Variants in ATP1A4 observed in about 807,000 individuals in gnomAD.
The protein encoded by ATP1A4 is ATPase Na+/K+ transporting subunit alpha 4.
In ATP1A4, 90 loss-of-function variants were observed where a neutral mutation model predicts 114.3. The ratio of observed to expected loss-of-function variants is 0.79; its 90% CI spans 0.66 to 0.94. ATP1A4 has a LOEUF of 0.94. Among genes scored for constraint, ATP1A4 ranks in the 40% least tolerant of loss-of-function variants. The pLI is 0.00. For synonymous variants in ATP1A4, 511 were observed against 494.1 expected, an observed-to-expected ratio of 1.03 and a Z score of -0.45; for missense variants, 1,222 against 1,313.6, an observed-to-expected ratio of 0.93 and a Z score of 1.08.
At chr1:160,174,866 A>G in intron 15 of ATP1A4, 119 bp downstream of exon 15, 1 of 1,462,712 alleles carries the variant, frequency 6.8e-7, no homozygotes, top group Non-Finnish European at 9.1e-7. Flanking sequence ...ACGGGCTCAG[A>G]AGAAAATCAC....
intron 5 of ATP1A4, 108 bp downstream of exon 5, chr1:160,159,244 A>C: frequency 6.8e-7 from 1 of 1,476,470 alleles, no homozygotes; most frequent in Non-Finnish European, 9.2e-7. Context: ...AATCTTGAGA[A>C]GTTACAAGTG....
chr1:160,158,997 C>T lies in ATP1A4; in HGVS notation c.526-5C>T, dbSNP rs778655807. Reference sequence around the variant, plus strand: ...TGGAAATGATCCTGCACTATCCTCTCATAGCAAGCTCTGGTAATTCGAGGA... The same window carrying T: ...TGGAAATGATCCTGCACTATCCTCTTATAGCAAGCTCTGGTAATTCGAGGA... On this transcript the variant is annotated splice_region_variant and splice_polypyrimidine_tract_variant and intron_variant, in intron 4 of 21. Transcript: ENST00000368081. 6.2e-7 allele frequency: 1 copy of T among 1,613,284 alleles called. No homozygotes were observed. Among genetic ancestry groups the T allele is most frequent in the Non-Finnish European group, 8.5e-7 (1 of 1,179,548 alleles).
chr1:160,171,701 C>T lies in ATP1A4; in HGVS notation c.1798C>T (p.Pro600Ser), dbSNP rs142338502. The change falls in exon 12 of 22, where the codon CCT becomes TCT. Residue 600 changes from proline to serine, a missense_variant. Transcript: ENST00000368081. ...CFVGLISMID[P>S]PRAAVPDAVS... ...TGTGGGCCTCATATCCATGATTGACCCTCCCCGAGCTGCAGTGCCTGATGC... is the reference window on the plus strand; with the variant it reads ...TGTGGGCCTCATATCCATGATTGACTCTCCCCGAGCTGCAGTGCCTGATGC... 3,786 of 1,614,096 alleles carry T rather than the reference C, an allele frequency of 2.3e-3. 6 individuals carry two copies. The highest frequency in any genetic ancestry group is 2.8e-3 in the Non-Finnish European group (3,316 of 1,180,014).
chr1:160,167,450 G>T (rs1371361439), intron 10 of ATP1A4, 38 bp downstream of exon 10: 1 of 1,606,242 alleles, frequency 6.2e-7, no homozygotes. Context: ...GGTGGTGGGG[G>T]GATGGGCTTA....
intron 20 of ATP1A4, among the ~76,000 whole-genome samples, 190 bp from the exon 21 acceptor site, chr1:160,186,086 C>CAAAAAAAAGAAAAA (rs1653879110): frequency 3.0e-5 from 1 of 32,790 alleles, no homozygotes; most frequent in African/African-American, 1.3e-4. Flanking sequence ...GACTCTGTCG[C>CAAAAAAAAGAAAAA]AAAAAAAAAA....
intron 6 of ATP1A4, among the ~76,000 whole-genome samples, chr1:160,161,304 C>T (rs544435397): frequency 2.1e-4 from 32 of 152,292 alleles, no homozygotes; most frequent in African/African-American, 7.2e-4. Context: ...CCTCCCATGT[C>T]TCATCACCGT....
chr1:160,181,717 T>G lies in ATP1A4; in HGVS notation c.2770T>G (p.Cys924Gly). The G allele has an allele frequency of 6.2e-7, 1 of 1,614,180 alleles. No individual in the cohort carries two copies. Among genetic ancestry groups the G allele is most frequent in the South Asian group, 1.1e-5 (1 of 91,082 alleles). The change falls in exon 19 of 22, where the codon TGC becomes GGC. Residue 924 changes from cysteine to glycine, a missense_variant. Physicochemically the swap from Cys to Gly is radical, Grantham distance 159. Coordinates refer to ENST00000368081, the MANE Select transcript of ATP1A4 (RefSeq NM_144699.4). ...YEQRKVVEFT[C>G]QTAFFVTIVV... ...GCAACGAAAAGTTGTGGAGTTCACATGCCAAACGGCCTTTTTTGTCACCAT... is the reference window on the plus strand; with the variant it reads ...GCAACGAAAAGTTGTGGAGTTCACAGGCCAAACGGCCTTTTTTGTCACCAT...
chr1:160,156,119 C>A lies in ATP1A4; in HGVS notation c.486C>A (p.Ser162Arg). The A allele has an allele frequency of 6.2e-7, 1 of 1,613,906 alleles. No homozygotes were observed. The highest frequency in any genetic ancestry group is 8.5e-7 in the Non-Finnish European group (1 of 1,179,812). ...TCTCCTATTATCAGGAGGCCAAGAG[C>A]TCCAAGATCATGGAGTCTTTTAAGA... Reference protein sequence around the residue: ...GCFSYYQEAKSSKIMESFKNM... With the variant: ...GCFSYYQEAKRSKIMESFKNM... Residue 162 changes from serine (S) to arginine (R), a missense_variant, in exon 4 of 22, where the codon AGC (serine) becomes AGA (arginine). Coordinates refer to ENST00000368081, the MANE Select transcript of ATP1A4 (RefSeq NM_144699.4).
At chr1:160,159,283 G>A in intron 5 of ATP1A4, 126 bp from the exon 6 acceptor site, 2 of 1,357,226 alleles carry the variant, frequency 1.5e-6, no homozygotes, top group Admixed American at 2.2e-5. Flanking sequence ...CAACAGATGT[G>A]TAAATTTGTT....
At chr1:160,165,833 A>G (rs1159038371) in intron 7 of ATP1A4, among the ~76,000 whole-genome samples, 1 of 152,230 alleles carries the variant, frequency 6.6e-6, no homozygotes, top group Non-Finnish European at 1.5e-5. Context: ...TGGTCCCTGG[A>G]AAGATTGGAC....
At chr1:160,162,799 G>A (rs923753167) in intron 6 of ATP1A4, among the ~76,000 whole-genome samples, 23 of 152,164 alleles carry the variant, frequency 1.5e-4, no homozygotes, top group Non-Finnish European at 2.9e-4. Context: ...TACCAGAAGG[G>A]TAACCACTAT....
chr1:160,152,181 G>A lies in ATP1A4; in HGVS notation c.141G>A (p.Val47=), dbSNP rs78489282. ...KRNMEELKKE[V]VMDDHKLTLE... The stretch of plus-strand genomic sequence containing the variant: ...ATATGGAGGAACTGAAGAAGGAAGT[G>A]GTCATGGTGAGGCCACCCAAAGTGG... Residue 47 remains valine (V), a synonymous_variant, in exon 1 of 22, where the codon GTG becomes GTA. Coordinates refer to ENST00000368081, the MANE Select transcript of ATP1A4 (RefSeq NM_144699.4). The A allele has an allele frequency of 4.7e-4, 756 of 1,612,146 alleles. 5 individuals carry two copies. The East Asian group carries it at 0.011, about 25-fold the overall frequency.
intron 12 of ATP1A4, among the ~76,000 whole-genome samples, chr1:160,172,485 C>T (rs1338984300): frequency 1.3e-5 from 2 of 151,400 alleles, no homozygotes; most frequent in African/African-American, 4.8e-5. Context: ...AGAACAAACC[C>T]AGAGGTAGAA....
intron 6 of ATP1A4, among the ~76,000 whole-genome samples, chr1:160,162,214 G>T (rs1440163259): frequency 6.6e-6 from 1 of 152,168 alleles, no homozygotes; most frequent in Non-Finnish European, 1.5e-5. Flanking sequence ...CAGTTTCAGT[G>T]ATATGTTGCC....
At chr1:160,180,934 T>G (rs1487054865) in intron 18 of ATP1A4, among the ~76,000 whole-genome samples, 1 of 151,962 alleles carries the variant, frequency 6.6e-6, no homozygotes, top group Non-Finnish European at 1.5e-5. Flanking sequence ...CAGGATGGTC[T>G]TGATCTCCTG....
rs576558775 is a variant in ATP1A4 at position 160,152,355 on chromosome 1, G to A, written c.147+168G>A. The stretch of plus-strand genomic sequence containing the variant: ...AAAAAAAAAAAAAAAGATACACACA[G>A]AGAGACAGGGCAGCTCAACAGCAAG... On this transcript the variant is annotated intron_variant, in intron 1 of 21. Transcript: ENST00000368081. Among the ~76,000 whole-genome samples, 14 of 151,776 alleles carry A rather than the reference G, an allele frequency of 9.2e-5. No homozygotes were observed. In the South Asian group the frequency reaches 1.5e-3, roughly 16 times the overall value.
At chr1:160,173,850 A>G (rs1480187110) in intron 13 of ATP1A4, 133 bp downstream of exon 13, 3 of 1,204,924 alleles carry the variant, frequency 2.5e-6, no homozygotes, top group Non-Finnish European at 3.4e-6. Context: ...ACTACAAAGT[A>G]AAACATAATA....
intron 18 of ATP1A4, 89 bp from the exon 19 acceptor site, chr1:160,181,595 A>T (rs1653704209): frequency 3.5e-6 from 5 of 1,434,796 alleles, no homozygotes; most frequent in Non-Finnish European, 4.8e-6. Context: ...GACTCAGCCC[A>T]GGGGTCCTGG....
chr1:160,168,559 T>C (rs185052009), intron 10 of ATP1A4, among the ~76,000 whole-genome samples: 159 of 152,192 alleles, frequency 1.0e-3, no homozygotes, highest in Non-Finnish European at 1.8e-3. Context: ...ATTTTTTGTA[T>C]TTTTAGTAGA....
Sources: gnomAD v4.1 joint callset for allele counts (sites outside exome capture counted in the v4.1 genomes callset) on GRCh38, gnomAD v4.1.1 for gene constraint, MANE v1.5 for transcripts, NCBI Gene and HGNC (gene_info 2026-07-23, HGNC 2026-07-21) for gene names.